AFG1L: variants seen among roughly 807,000 people sequenced by gnomAD.
AFG1L encodes AFG1-like ATPase.
Under a neutral mutation model 62.2 loss-of-function variants are expected in AFG1L, and 53 were observed. The observed-to-expected ratio is 0.85, with a 90% CI of 0.68 to 1.07. The LOEUF is 1.07. Ranked by LOEUF, AFG1L falls within the 50% of genes least tolerant of loss-of-function variation. AFG1L has a pLI of 0.00. For missense variants in AFG1L, 555 were observed against 590.5 expected (o/e 0.94, Z 0.62); for synonymous variants, 228 against 210.3 (o/e 1.08, Z -0.73).
chr6:108,458,960 C>T (rs1398901267), intron 8 of AFG1L, among the ~76,000 whole-genome samples: 1 of 152,086 alleles, frequency 6.6e-6, no homozygotes, highest in East Asian at 1.9e-4. Context: ...TAAAGCAGAA[C>T]CAGAGTGCCT....
At chr6:108,315,646 T>C (rs1387327974) in intron 1 of AFG1L, among the ~76,000 whole-genome samples, 1 of 152,152 alleles carries the variant, frequency 6.6e-6, no homozygotes, top group Non-Finnish European at 1.5e-5. Context: ...AGTGTTATAA[T>C]CATAGCTCAC....
At position 108,416,040 on chromosome 6, in the gene AFG1L, T is replaced by C. The variant is rs1237559667; in HGVS notation, c.807+13986T>C. Among the ~76,000 whole-genome samples the C allele has an allele frequency of 2.6e-5, 4 of 152,236 alleles. 1 individual carries two copies. In the East Asian group the frequency reaches 7.7e-4, roughly 29 times the overall value. Reference sequence around the variant, plus strand: ...CTACTCATCTGACAAAGGGCTAATATCCAGAATCTACAAAGAACTCAAACA... The same window carrying C: ...CTACTCATCTGACAAAGGGCTAATACCCAGAATCTACAAAGAACTCAAACA... On this transcript the variant is annotated intron_variant, in intron 7 of 12. Coordinates refer to ENST00000368977, the MANE Select transcript of AFG1L (RefSeq NM_145315.5).
chr6:108,375,023 C>T (rs985490038), intron 6 of AFG1L, among the ~76,000 whole-genome samples: 1 of 151,990 alleles, frequency 6.6e-6, no homozygotes, highest in Non-Finnish European at 1.5e-5. Context: ...TTTTGTAGTT[C>T]TCCTTGTAGA....
At chr6:108,356,599 C>T in intron 4 of AFG1L, 91 bp from the exon 5 acceptor site, 1 of 857,122 alleles carries the variant, frequency 1.2e-6, no homozygotes, top group East Asian at 3.0e-5. Flanking sequence ...TATGTCCATA[C>T]TAAAGTTTCA....
intron 2 of AFG1L, among the ~76,000 whole-genome samples, chr6:108,337,062 A>G (rs1258410134): frequency 6.6e-6 from 1 of 152,218 alleles, no homozygotes; most frequent in East Asian, 1.9e-4. Flanking sequence ...GGGTCTTGCT[A>G]TAGCCCAGGC....
chr6:108,502,266 C>G (rs761219057), intron 10 of AFG1L, among the ~76,000 whole-genome samples: 1 of 151,756 alleles, frequency 6.6e-6, no homozygotes, highest in Non-Finnish European at 1.5e-5. Flanking sequence ...AGTGCAATGG[C>G]GTGATCTCGG....
intron 3 of AFG1L, among the ~76,000 whole-genome samples, chr6:108,347,746 A>G (rs1283527959): frequency 6.6e-6 from 1 of 152,198 alleles, no homozygotes; most frequent in Non-Finnish European, 1.5e-5. Context: ...ACCCTCAGCC[A>G]CTGATATCAT....
intron 3 of AFG1L, among the ~76,000 whole-genome samples, chr6:108,353,856 T>TA (rs1179733875): frequency 1.3e-5 from 2 of 152,196 alleles, no homozygotes; most frequent in African/African-American, 2.4e-5. Flanking sequence ...ACTTCTTTAT[T>TA]AAAAAAATGT....
At chr6:108,469,968 T>C (rs920632196) in intron 8 of AFG1L, among the ~76,000 whole-genome samples, 1 of 152,198 alleles carries the variant, frequency 6.6e-6, no homozygotes, top group Admixed American at 6.5e-5. Flanking sequence ...GTCTTTATCT[T>C]ATTTTCAAAC....
chr6:108,415,371 C>G (rs190850912), intron 7 of AFG1L, among the ~76,000 whole-genome samples: 2 of 86,244 alleles, frequency 2.3e-5, no homozygotes, highest in East Asian at 4.5e-4. Flanking sequence ...AGATTCAATG[C>G]CACCCCATCA....
intron 11 of AFG1L, among the ~76,000 whole-genome samples, chr6:108,515,706 C>T (rs1312506724): frequency 6.6e-6 from 1 of 152,066 alleles, no homozygotes; most frequent in African/African-American, 2.4e-5. Context: ...ATCAATGAAT[C>T]CAGGAGCTGG....
At chr6:108,472,574 T>C (rs1772938648) in intron 8 of AFG1L, among the ~76,000 whole-genome samples, 1 of 152,202 alleles carries the variant, frequency 6.6e-6, no homozygotes, top group Non-Finnish European at 1.5e-5. Context: ...TTTCCTTCTC[T>C]CTGCCAATTT....
chr6:108,421,462 T>C (rs2114689040), intron 7 of AFG1L, among the ~76,000 whole-genome samples: 1 of 152,218 alleles, frequency 6.6e-6, no homozygotes, highest in Admixed American at 6.5e-5. Flanking sequence ...TTAGCGTGTA[T>C]GAATCGTTGT....
chr6:108,429,486 C>G (rs553743804), intron 7 of AFG1L, among the ~76,000 whole-genome samples: 2 of 152,190 alleles, frequency 1.3e-5, no homozygotes, highest in African/African-American at 4.8e-5. Flanking sequence ...CAGGTCCTTT[C>G]CACACGTGGG....
At chr6:108,432,820 G>T (rs1209334549) in intron 7 of AFG1L, among the ~76,000 whole-genome samples, 2 of 152,190 alleles carry the variant, frequency 1.3e-5, no homozygotes, top group Non-Finnish European at 2.9e-5. Flanking sequence ...TGGGAGTGGG[G>T]CCTGGATGTT....
At chr6:108,470,993 A>G (rs932104342) in intron 8 of AFG1L, among the ~76,000 whole-genome samples, 2 of 152,178 alleles carry the variant, frequency 1.3e-5, no homozygotes, top group Non-Finnish European at 2.9e-5. Flanking sequence ...GTATCTCTTC[A>G]TTTGGCTGTG....
intron 7 of AFG1L, among the ~76,000 whole-genome samples, chr6:108,421,046 C>G (rs1473893122): frequency 6.6e-6 from 1 of 152,022 alleles, no homozygotes; most frequent in Admixed American, 6.6e-5. Flanking sequence ...AAACTCAAGC[C>G]AATTAATAGA....
chr6:108,375,479 T>C (rs1021150269), intron 6 of AFG1L, among the ~76,000 whole-genome samples: 1 of 152,128 alleles, frequency 6.6e-6, no homozygotes, highest in African/African-American at 2.4e-5. Flanking sequence ...ATGGCTCTTA[T>C]TATTTTTTAG....
At chr6:108,360,445 T>C (rs1779479447) in intron 5 of AFG1L, among the ~76,000 whole-genome samples, 1 of 152,226 alleles carries the variant, frequency 6.6e-6, no homozygotes, top group Admixed American at 6.5e-5. Flanking sequence ...ATTTTTTTTC[T>C]GTTCCCAATT....
Sources: gnomAD v4.1 joint callset for allele counts (sites outside exome capture counted in the v4.1 genomes callset) on GRCh38, gnomAD v4.1.1 for gene constraint, MANE v1.5 for transcripts, NCBI Gene and HGNC (gene_info 2026-07-23, HGNC 2026-07-21) for gene names.